Variants in ZNF880 observed in about 807,000 individuals in gnomAD.
The protein encoded by ZNF880 is zinc finger protein 880, also known as zinc finger protein LOC400713.
ZNF880 carries 12 observed loss-of-function variants against 11.8 expected under a neutral mutation model. The ratio of observed to expected loss-of-function variants is 1.02; its 90% CI spans 0.65 to 1.65. The LOEUF is 1.65. ZNF880 is among the 40% of genes most tolerant of loss of function. ZNF880 has a pLI of 0.00. For missense variants in ZNF880, 601 were observed against 673.9 expected (o/e 0.89, Z 1.20); for synonymous variants, 210 against 232.4 (o/e 0.90, Z 0.88).
At chr19:52,386,556 A>C (rs555166497), downstream of ZNF880, among the ~76,000 whole-genome samples, 161 of 143,760 alleles carry the variant, frequency 1.1e-3, 23 homozygotes, top group African/African-American at 4.2e-3. Context: ...TAATCCCAGC[A>C]CTTTGGGAGG....
rs1568661053 is a variant in ZNF880 at position 52,374,381 on chromosome 19, A to G, written c.222A>G (p.Ile74Met). The G allele has an allele frequency of 1.2e-6, 2 of 1,613,350 alleles. No homozygotes were observed. Among genetic ancestry groups the G allele is most frequent in the Non-Finnish European group, 1.7e-6 (2 of 1,179,682 alleles). The change falls in exon 3 of 4, where the codon ATA becomes ATG. Residue 74 changes from isoleucine to methionine, a missense_variant. Transcript: ENST00000422689. Reference protein sequence around the residue: ...DPRNLQSEVKIANNPGGRECI... With the variant: ...DPRNLQSEVKMANNPGGRECI... ...GGAATCTGCAGAGTGAAGTGAAAAT[A>G]GCAAACAATCCAGGTGGCAGGGAGT...
upstream of ZNF880, chr19:52,367,869 A>T (rs1986187754): frequency 6.6e-6 from 1 of 152,100 alleles, no homozygotes. Context: ...TAGTAATATG[A>T]CAAATATTAG....
At chr19:52,373,055 A>C in intron 1 of ZNF880, 56 bp from the exon 2 acceptor site, 1 of 1,597,014 alleles carries the variant, frequency 6.3e-7, no homozygotes, top group Non-Finnish European at 8.6e-7. Context: ...CAGTCCTTAC[A>C]ACTGTCTCCT....
the ZNF880 span, among the ~76,000 whole-genome samples, chr19:52,396,121 ATTTTT>A: frequency 8.3e-6 from 1 of 120,646 alleles, no homozygotes; most frequent in Non-Finnish European, 1.7e-5. Flanking sequence ...TGCCTGGCTA[ATTTTT>A]TTTTTTTTTT....
In ZNF880 at chr19:52,383,842, T is replaced by A; in HGVS notation, c.269-7T>A. On this transcript the variant is annotated splice_polypyrimidine_tract_variant and splice_region_variant and intron_variant, in intron 3 of 3. Transcript: ENST00000422689. ...GTTGAAGTTCCACTTTTTTCTTTCTTTTTTAGAGAGCAGCTCTAAATTGGG... is the reference window on the plus strand; with the variant it reads ...GTTGAAGTTCCACTTTTTTCTTTCTATTTTAGAGAGCAGCTCTAAATTGGG... 6.6e-7 allele frequency: 1 copy of A among 1,519,086 alleles called. No homozygotes were observed. The highest frequency in any genetic ancestry group is 8.8e-7 in the Non-Finnish European group (1 of 1,135,754). The allele number at this position is 1,519,086 out of a possible 1,614,324, so 94.1% of individuals were successfully genotyped here.
intron 2 of ZNF880, among the ~76,000 whole-genome samples, chr19:52,373,653 C>A (rs1019788030): frequency 1.4e-5 from 2 of 145,820 alleles, no homozygotes; most frequent in African/African-American, 2.6e-5. Context: ...TGGATGAATT[C>A]ATGTGAAATA....
chr19:52,396,232 A>G, the ZNF880 span: 1 of 151,714 alleles, frequency 6.6e-6, no homozygotes. Flanking sequence ...GGCCTCCCAA[A>G]GTATTGGGAT....
chr19:52,393,827 C>A, the ZNF880 span, among the ~76,000 whole-genome samples: 23,324 of 119,092 alleles, frequency 0.2, 4,517 homozygotes, highest in African/African-American at 0.5. Context: ...TATTTCTTTG[C>A]CCCCCCCCTT....
chr19:52,396,664 A>T, the ZNF880 span: 11,637 of 152,316 alleles, frequency 0.076, 1,397 homozygotes, highest in African/African-American at 0.25. Flanking sequence ...TCATGCCTAT[A>T]ATCCGAGCAC....
chr19:52,377,843 T>C (rs1361614360), intron 3 of ZNF880, among the ~76,000 whole-genome samples: 1 of 152,080 alleles, frequency 6.6e-6, no homozygotes, highest in East Asian at 1.9e-4. Context: ...GTTCAGGGAT[T>C]ATTTTTTATT....
downstream of ZNF880, chr19:52,389,775 AG>A (rs1228109775): frequency 1.3e-5 from 2 of 152,264 alleles, no homozygotes; most frequent in Non-Finnish European, 2.9e-5. Flanking sequence ...GTTCTCCATG[AG>A]GGCTCCGCCC....
At chr19:52,382,420 T>A (rs1986732464) in intron 3 of ZNF880, among the ~76,000 whole-genome samples, 1 of 152,204 alleles carries the variant, frequency 6.6e-6, no homozygotes, top group African/African-American at 2.4e-5. Context: ...AGACCTTTTA[T>A]TTTATATTGA....
At chr19:52,369,841 C>CTGGGA, upstream of ZNF880, 11 of 1,270,092 alleles carry the variant, frequency 8.7e-6, 1 homozygote, top group Non-Finnish European at 1.2e-5. Flanking sequence ...ACGAGACGAG[C>CTGGGA]TGGGAGCGAG....
In ZNF880 at chr19:52,384,020, A is replaced by T; in HGVS notation, c.440A>T (p.Gln147Leu). ...AACAATTCCTTAGTTTCACCACTTCAAAAAATTTATTCTAGTGTCAAATCC... is the reference window on the plus strand; with the variant it reads ...AACAATTCCTTAGTTTCACCACTTCTAAAAATTTATTCTAGTGTCAAATCC... ...PINNSLVSPL[Q>L]KIYSSVKSHI... Residue 147 changes from glutamine (Q) to leucine (L), a missense_variant, in exon 4 of 4, where the codon CAA becomes CTA. Gln to Leu is a moderately radical substitution (Grantham distance 113). Transcript: ENST00000422689. The T allele has an allele frequency of 6.4e-7, 1 of 1,554,404 alleles. No homozygotes were observed. Among genetic ancestry groups the T allele is most frequent in the Non-Finnish European group, 8.7e-7 (1 of 1,148,492 alleles).
rs1180868520 is a variant in ZNF880, at chr19:52,374,444, C to T, written c.268+17C>T. On this transcript the variant is annotated intron_variant, in intron 3 of 3. Transcript: ENST00000422689. Reference sequence around the variant, plus strand: ...TGAACGCAGGTAAGAGCTTGGATGGCCAGAGTGGAGGCCCCATAATTTTTT... The same window carrying T: ...TGAACGCAGGTAAGAGCTTGGATGGTCAGAGTGGAGGCCCCATAATTTTTT... The T allele has an allele frequency of 1.2e-6, 2 of 1,603,080 alleles. No individual in the cohort carries two copies. The highest frequency in any genetic ancestry group is 1.7e-5 in the Admixed American group (1 of 57,896).
the ZNF880 span, among the ~76,000 whole-genome samples, chr19:52,393,396 A>C: frequency 6.9e-6 from 1 of 144,466 alleles, no homozygotes; most frequent in African/African-American, 2.7e-5. Flanking sequence ...TTTTGAATGG[A>C]AATTTTCTTT....
At chr19:52,370,007 G>C (rs1249116975) in intron 1 of ZNF880, 30 bp downstream of exon 1, 1 of 1,551,468 alleles carries the variant, frequency 6.4e-7, no homozygotes. Flanking sequence ...GATTAAATCT[G>C]GGATGCTGAG....
At chr19:52,393,835 CT>C in the ZNF880 span, among the ~76,000 whole-genome samples, 2,731 of 109,096 alleles carry the variant, frequency 0.025, 41 homozygotes, top group African/African-American at 0.083. Flanking sequence ...TGCCCCCCCC[CT>C]TTTTTTTTTT....
At chr19:52,377,833 G>A (rs1228027496) in intron 3 of ZNF880, among the ~76,000 whole-genome samples, 2 of 152,114 alleles carry the variant, frequency 1.3e-5, no homozygotes, top group Non-Finnish European at 2.9e-5. Flanking sequence ...TGACCCCATA[G>A]TTCAGGGATT....
Sources: allele counts gnomAD v4.1 joint callset (sites outside exome capture counted in the v4.1 genomes callset), GRCh38; gene constraint gnomAD v4.1.1; transcripts MANE v1.5; gene names NCBI Gene and HGNC (gene_info 2026-07-23, HGNC 2026-07-21).